The following PKD1 variants were observed in gnomAD, a reference collection of about 807,000 sequenced individuals.
PKD1 encodes polycystin 1, transient receptor potential channel interacting.
A neutral mutation model predicts 361.7 loss-of-function variants in PKD1; 81 were observed. The observed-to-expected ratio is 0.22, with a 90% confidence interval of 0.19 to 0.27. The LOEUF is 0.27. Among genes scored for constraint, PKD1 ranks in the 10% least tolerant of loss-of-function variants. PKD1 has a pLI of 1.00. For synonymous variants in PKD1, 3,615 were observed against 2,818.3 expected (o/e 1.28, Z -8.95); for missense variants, 6,399 against 6,118.3 (o/e 1.05, Z -1.53).
chr16:2,116,396 C>T (rs1182855310), intron 8 of PKD1, 133 bp downstream of exon 8: 2 of 634,072 alleles, frequency 3.2e-6, no homozygotes, highest in Admixed American at 2.5e-5. Flanking sequence ...TCTGGATTTT[C>T]CCAACCATCT....
At chr16:2,095,621 T>G (rs1390866629) in intron 34 of PKD1, among the ~76,000 whole-genome samples, 1 of 152,116 alleles carries the variant, frequency 6.6e-6, no homozygotes, top group Non-Finnish European at 1.5e-5. Flanking sequence ...TGCTCTGCGT[T>G]GGGAAAGGAG....
At chr16:2,135,282 G>A (rs1472699283) in intron 1 of PKD1, 193 bp downstream of exon 1, 3 of 985,124 alleles carry the variant, frequency 3.0e-6, no homozygotes, top group Admixed American at 6.1e-5. Flanking sequence ...CAGACCCGGG[G>A]TTTTTCGGCT....
At position 2,096,979 on chromosome 16, in the gene PKD1, A is replaced by G. The variant is rs551585471; in HGVS notation, c.10499+169T>C. ...AAGGTTCTGGGGCCCTGGGGATCCC[A>G]TGAGGCTCTTTCCACAGACAACAGA... is the stretch of plus-strand genomic sequence containing the variant. On this transcript the variant is annotated intron_variant, in intron 34 of 45. Transcript: ENST00000262304. The G allele has an allele frequency of 2.5e-5, 16 of 631,958 alleles. No homozygotes were observed. In the African/African-American group the frequency reaches 2.7e-4, roughly 11 times the overall value. The allele number at this position is 631,958 out of a possible 1,614,324, so 39.1% of individuals were successfully genotyped here.
At chr16:2,094,354 A>G (rs2091751610) in intron 34 of PKD1, 144 bp from the exon 35 acceptor site, 1 of 682,646 alleles carries the variant, frequency 1.5e-6, no homozygotes. Context: ...CCTACCCCAA[A>G]CGAGAGTGGG....
chr16:2,134,008 G>A (rs2092919472), intron 1 of PKD1, among the ~76,000 whole-genome samples: 3 of 147,026 alleles, frequency 2.0e-5, no homozygotes, highest in Non-Finnish European at 4.5e-5. Flanking sequence ...TCAGGTGCTG[G>A]GAAGCAGGAA....
Position 2,090,728 on chromosome 16 carries a change from C to A in PKD1, c.12084G>T (p.Gly4028=), listed in dbSNP as rs750336998. 6.2e-7 allele frequency: 1 copy of A among 1,612,604 alleles called. No individual in the cohort carries two copies. Among genetic ancestry groups the A allele is most frequent in the Non-Finnish European group, 8.5e-7 (1 of 1,179,968 alleles). Residue 4028 remains glycine, a synonymous_variant, in exon 44 of 46, where the codon GGG becomes GGT. Transcript: ENST00000262304. ...CGAGCACCACCAGGCCCAAGGTGAC[C>A]CCCAGGAGCTCTGGCAGAGCTCGGC... ...TLCRALPELL[G]VTLGLVVLGV...
At chr16:2,105,103 CCT>C (rs908704427) in intron 21 of PKD1, among the ~76,000 whole-genome samples, 6 of 142,692 alleles carry the variant, frequency 4.2e-5, no homozygotes, top group Non-Finnish European at 9.3e-5. Flanking sequence ...CATCTGGGCC[CCT>C]CTTTACACCC....
At position 2,108,632 on chromosome 16, in the gene PKD1, C is replaced by T. The variant is rs754761933; in HGVS notation, c.6535G>A (p.Val2179Ile). 61 of 1,559,912 alleles carry T rather than the reference C, an allele frequency of 3.9e-5. No individual in the cohort carries two copies. Among genetic ancestry groups the T allele is most frequent in the Middle Eastern group, 2.3e-4 (1 of 4,438 alleles). The change falls in exon 15 of 46, where the codon GTC (valine) becomes ATC (isoleucine). Residue 2179 changes from valine (V) to isoleucine (I), a missense_variant. Coordinates refer to ENST00000262304, the MANE Select transcript of PKD1 (RefSeq NM_001009944.3). ...CAGCGGTACTCAGTCTGGTAGGTGA[C>T]GCAGTCGCGCAGGTCAACGTGGGCC... The part of the protein sequence containing the change: ...LEAHVDLRDC[V>I]TYQTEYRWEV...
At chr16:2,092,244 G>A in intron 39 of PKD1, 56 bp from the exon 40 acceptor site, 1 of 1,526,584 alleles carries the variant, frequency 6.6e-7, no homozygotes, top group Non-Finnish European at 8.8e-7. Context: ...CCCAACAGGA[G>A]TGTTTCCTGC....
In PKD1 at chr16:2,105,947, C is replaced by G. The variant is rs772375788; in HGVS notation, c.7781G>C (p.Ser2594Thr). 1 of 1,598,812 alleles carries G rather than the reference C, an allele frequency of 6.3e-7. No individual in the cohort carries two copies. The highest frequency in any genetic ancestry group is 8.5e-7 in the Non-Finnish European group (1 of 1,179,642). ...CTGCCGCAGCAGCCCTGGGAGCACA[C>G]TAGCGGTGAGCCCGTGCAGCCAGAC... ...LTVWLHGLTA[S>T]VLPGLLRQAD... Residue 2594 changes from serine to threonine, a missense_variant, in exon 20 of 46, where the codon AGT becomes ACT. Ser to Thr is a moderately conservative substitution (Grantham distance 58). Transcript: ENST00000262304.
At position 2,090,130 on chromosome 16, in the gene PKD1, TTGGAGCCCC is replaced by T; in HGVS notation, c.12500_12508del (p.Arg4167_Ser4169del). ...GGGTGGGGGCACATCCGGGGATACCTTGGAGCCCCTGGAGGAGCGAGAGGGCAGCGGCTC... is the reference window on the plus strand; with the variant it reads ...GGGTGGGGGCACATCCGGGGATACCTTGGAGGAGCGAGAGGGCAGCGGCTC... On this transcript the variant is annotated inframe_deletion, in exon 46 of 46. Transcript: ENST00000262304. 1 of 1,598,104 alleles carries T rather than the reference TTGGAGCCCC, an allele frequency of 6.3e-7. No individual in the cohort carries two copies. Among genetic ancestry groups the T allele is most frequent in the Middle Eastern group, 1.7e-4 (1 of 6,008 alleles).
intron 1 of PKD1, among the ~76,000 whole-genome samples, chr16:2,125,010 G>A (rs373022679): frequency 1.3e-5 from 2 of 152,190 alleles, no homozygotes; most frequent in African/African-American, 4.8e-5. Flanking sequence ...GCTGCAGTGT[G>A]GGCGCTGGAG....
chr16:2,107,163 C>T (rs2369084), intron 16 of PKD1: 8,945 of 625,708 alleles, frequency 0.014, 434 homozygotes, highest in African/African-American at 0.11. Context: ...CTGGAGTGTG[C>T]GTTCTGGTGT....
chr16:2,107,059 C>T lies in PKD1; in HGVS notation c.7066-111G>A, dbSNP rs1368246164. ...AACTCCAGGTTTCCCAGGGGCCTGG[C>T]CACTGCCGGTGAGCTCACTCCCTCC... On this transcript the variant is annotated intron_variant, in intron 16 of 45. Transcript: ENST00000262304. 8.9e-6 allele frequency: 9 copies of T among 1,005,932 alleles called. No individual in the cohort carries two copies. The South Asian group carries it at 1.0e-4, about 12-fold the overall frequency. The allele number at this position is 1,005,932 out of a possible 1,614,324, so 62.3% of individuals were successfully genotyped here. A position where few individuals can be genotyped will look rare whatever the true frequency, so the allele number is the denominator to read the frequency against.
intron 30 of PKD1, chr16:2,098,209 A>T (rs187871162): frequency 6.6e-5 from 39 of 593,786 alleles, no homozygotes; most frequent in Non-Finnish European, 1.2e-4. Flanking sequence ...ACAGAGTTTT[A>T]AATTTCATAT....
rs1411198027 is a variant in PKD1, at chr16:2,091,813, G to C, written c.11505C>G (p.Arg3835=). 1.9e-6 allele frequency: 3 copies of C among 1,610,596 alleles called. No individual in the cohort carries two copies. Among genetic ancestry groups the C allele is most frequent in the Middle Eastern group, 1.6e-4 (1 of 6,072 alleles). Residue 3835 remains arginine, a synonymous_variant, in exon 41 of 46, where the codon CGC becomes CGG. Coordinates refer to ENST00000262304, the MANE Select transcript of PKD1 (RefSeq NM_001009944.3). ...CCAGCCAGTTGTGCAGCTGCAGGAA[G>C]CGCAGCCGGTCGCGGCTCTCCTCCA... is the stretch of plus-strand genomic sequence containing the variant. ...LSLEESRDRL[R]FLQLHNWLDN...
At chr16:2,107,822 G>A (rs2092397376) in intron 16 of PKD1, 61 bp downstream of exon 16, 6 of 1,495,522 alleles carry the variant, frequency 4.0e-6, no homozygotes, top group East Asian at 4.9e-5. Flanking sequence ...ACGGAAAACA[G>A]TAGATGACCA....
chr16:2,104,613 C>T lies in PKD1; in HGVS notation c.8046G>A (p.Ser2682=), dbSNP rs142391112. The stretch of plus-strand genomic sequence containing the variant: ...GCTTGTGCAGCGTCTGCTTCAGGCA[C>T]GAGCGGCATACGAGCTCCCTGCTGG... ...MGPSRELVCR[S]CLKQTLHKLE... Residue 2682 remains serine (S), a synonymous_variant, in exon 22 of 46, where the codon TCG becomes TCA. Coordinates refer to ENST00000262304, the MANE Select transcript of PKD1 (RefSeq NM_001009944.3). 1.4e-4 allele frequency: 226 copies of T among 1,587,654 alleles called. No homozygotes were observed. Among genetic ancestry groups the T allele is most frequent in the Middle Eastern group, 4.5e-4 (2 of 4,404 alleles).
intron 14 of PKD1, 142 bp from the exon 15 acceptor site, chr16:2,112,013 C>T (rs541656918): frequency 2.6e-5 from 23 of 889,450 alleles, no homozygotes; most frequent in Non-Finnish European, 3.4e-5. Flanking sequence ...TCCCAAGCCA[C>T]GTGCGGGACG....
Sources: allele counts gnomAD v4.1 joint callset (sites outside exome capture counted in the v4.1 genomes callset), GRCh38; gene constraint gnomAD v4.1.1; transcripts MANE v1.5; gene names NCBI Gene and HGNC (gene_info 2026-07-23, HGNC 2026-07-21).